BPTF: variants seen among roughly 807,000 people sequenced by gnomAD.
BPTF encodes the protein nucleosome-remodeling factor subunit BPTF.
In BPTF, 18 loss-of-function variants were observed where a neutral mutation model predicts 292.5. That is an observed-to-expected ratio of 0.06 (90% confidence interval 0.04 to 0.09). The LOEUF (loss-of-function observed/expected upper bound fraction) is 0.09, where lower values mean the gene tolerates loss of function less well. Among genes scored for constraint, BPTF ranks in the 10% least tolerant of loss-of-function variants. The pLI, the probability that BPTF is intolerant of heterozygous loss-of-function variation, is 1.00. For missense variants in BPTF, 2,726 were observed against 3,498.7 expected, an observed-to-expected ratio of 0.78 and a Z score of 5.57; for synonymous variants, 1,225 against 1,251.9, an observed-to-expected ratio of 0.98 and a Z score of 0.45.
chr17:67,864,943 G>A (rs8077872), intron 2 of BPTF, among the ~76,000 whole-genome samples: 2 of 151,804 alleles, frequency 1.3e-5, no homozygotes, highest in East Asian at 1.9e-4. Context: ...TAGCTGAGAC[G>A]ACAGGCGCCT....
intron 23 of BPTF, among the ~76,000 whole-genome samples, chr17:67,957,804 C>T (rs186487939): frequency 4.6e-5 from 7 of 152,130 alleles, no homozygotes; most frequent in African/African-American, 1.2e-4. Context: ...TACAGCAAGC[C>T]GTGTTTATGT....
intron 1 of BPTF, among the ~76,000 whole-genome samples, chr17:67,851,930 T>TAA (rs2058434446): frequency 6.6e-6 from 1 of 152,020 alleles, no homozygotes; most frequent in African/African-American, 2.4e-5. Context: ...TTTTTTTTTT[T>TAA]TAATGCAGGA....
At chr17:67,937,381 CA>C (rs58944920) in intron 18 of BPTF, among the ~76,000 whole-genome samples, 21,271 of 123,478 alleles carry the variant, frequency 0.17, 4,937 homozygotes, top group African/African-American at 0.53. Context: ...CGGACTTTGT[CA>C]AAAAAAAAAA....
chr17:67,971,020 C>T (rs1405745764), intron 26 of BPTF, among the ~76,000 whole-genome samples: 1 of 152,210 alleles, frequency 6.6e-6, no homozygotes, highest in African/African-American at 2.4e-5. Context: ...CTGACTGCAT[C>T]CTCGTCCTCC....
chr17:67,977,225 G>A (rs1275022053), intron 27 of BPTF, among the ~76,000 whole-genome samples: 1 of 152,054 alleles, frequency 6.6e-6, no homozygotes, highest in African/African-American at 2.4e-5. Context: ...TAAAAAGTGT[G>A]TGCTATTGGC....
At chr17:67,908,445 A>G (rs1172966102) in intron 9 of BPTF, among the ~76,000 whole-genome samples, 1 of 149,252 alleles carries the variant, frequency 6.7e-6, no homozygotes, top group Non-Finnish European at 1.5e-5. Flanking sequence ...ATGAGCCACC[A>G]CACTCACCCA....
In BPTF at chr17:67,964,594, G is replaced by C. The variant is rs1212750660; in HGVS notation, c.8454+190G>C. ...GAGCTTTACCATATCCCCACACCAC[G>C]TCAGCTTATCTCACACTCACAAGAG... On this transcript the variant is annotated intron_variant, in intron 25 of 27. Coordinates refer to ENST00000306378, the MANE Select transcript of BPTF (RefSeq NM_182641.4). Among the ~76,000 whole-genome samples, 4 of 152,078 alleles carry C rather than the reference G, an allele frequency of 2.6e-5. No homozygotes were observed. The South Asian group carries it at 6.2e-4, about 24-fold the overall frequency.
chr17:67,835,791 A>T (rs984207949), intron 1 of BPTF, among the ~76,000 whole-genome samples: 2 of 150,996 alleles, frequency 1.3e-5, no homozygotes, highest in Non-Finnish European at 2.9e-5. Context: ...TCAGCCTCCC[A>T]AGTAGCTGGG....
chr17:67,828,272 C>T (rs567457412), intron 1 of BPTF, among the ~76,000 whole-genome samples: 1 of 152,210 alleles, frequency 6.6e-6, no homozygotes, highest in South Asian at 2.1e-4. Context: ...TAAGAAATCA[C>T]ATGTTGGTCT....
intron 7 of BPTF, among the ~76,000 whole-genome samples, chr17:67,894,658 T>C (rs948221768): frequency 1.4e-4 from 21 of 152,144 alleles, no homozygotes; most frequent in Admixed American, 3.3e-4. Flanking sequence ...CCATACAGGA[T>C]TGTGATGAAG....
At chr17:67,973,374 GAAA>G (rs1555692059) in intron 26 of BPTF, among the ~76,000 whole-genome samples, 1 of 147,390 alleles carries the variant, frequency 6.8e-6, no homozygotes, top group African/African-American at 2.5e-5. Flanking sequence ...ACTGTCTCAA[GAAA>G]AAAAAATAAA....
At position 67,909,732 on chromosome 17, in the gene BPTF, T is replaced by A. The variant is rs2062519649; in HGVS notation, c.2963T>A (p.Ile988Asn). ...GGAGCAGACCAAAATGAAATGGATA[T>A]CTCAAAGATTACTGAGAAGAAGGAC... is the stretch of plus-strand genomic sequence containing the variant. ...AKGADQNEMDISKITEKKDQD... is the reference protein window; with the variant it reads ...AKGADQNEMDNSKITEKKDQD... The change falls in exon 10 of 28, where the codon ATC (isoleucine) becomes AAC (asparagine). Residue 988 changes from isoleucine to asparagine, a missense_variant. By Grantham distance (149) the Ile-to-Asn change is moderately radical. This residue lies in a region of BPTF where 713 missense variants were observed against 714.9 expected (regional missense o/e 1.00). Transcript: ENST00000306378. 1 of 1,578,572 alleles carries A rather than the reference T, an allele frequency of 6.3e-7. No homozygotes were observed. The highest frequency in any genetic ancestry group is 1.9e-5 in the Admixed American group (1 of 52,424).
chr17:67,976,871 A>G (rs535191829), intron 27 of BPTF, among the ~76,000 whole-genome samples: 31 of 152,066 alleles, frequency 2.0e-4, no homozygotes, highest in African/African-American at 7.0e-4. Flanking sequence ...CCTGCACTCT[A>G]TGAGGGGTGG....
At chr17:67,953,961 C>CTTTTTTTTTTTTTTTTTTTTTTTT (rs869063412) in intron 23 of BPTF, among the ~76,000 whole-genome samples, 3 of 65,640 alleles carry the variant, frequency 4.6e-5, no homozygotes, top group African/African-American at 1.4e-4. Context: ...CTTTTCTTTT[C>CTTTTTTTTTTTTTTTTTTTTTTTT]TTTTTTTTTT....
rs1323549047 is a variant in BPTF, at chr17:67,911,442, A to C, written c.3558A>C (p.Glu1186Asp). Residue 1186 changes from glutamate to aspartate, a missense_variant, in exon 11 of 28, where the codon GAA (glutamate) becomes GAC (aspartate). Coordinates refer to ENST00000306378, the MANE Select transcript of BPTF (RefSeq NM_182641.4). ...AATGTCCGAAACAAAATTCCATTGA[A>C]AATGACATAGAAGAAAAAGTCTCTG... is the stretch of plus-strand genomic sequence containing the variant. Reference protein sequence around the residue: ...ETKCPKQNSIENDIEEKVSDL... With the variant: ...ETKCPKQNSIDNDIEEKVSDL... 12 of 1,614,156 alleles carry C rather than the reference A, an allele frequency of 7.4e-6. No homozygotes were observed. Among genetic ancestry groups the C allele is most frequent in the Non-Finnish European group, 9.3e-6 (11 of 1,180,010 alleles).
intron 11 of BPTF, among the ~76,000 whole-genome samples, chr17:67,918,026 C>T (rs1255399425): frequency 6.6e-6 from 1 of 151,934 alleles, no homozygotes; most frequent in African/African-American, 2.4e-5. Flanking sequence ...GTCTCAATCT[C>T]CTGACCTTGT....
intron 11 of BPTF, among the ~76,000 whole-genome samples, chr17:67,917,131 C>CTTTTTTTTTTTTTTTGTTTTTTTTTTTTT (rs2063074164): frequency 9.5e-6 from 1 of 105,808 alleles, no homozygotes. Context: ...TGGTATTGTC[C>CTTTTTTTTTTTTTTTGTTTTTTTTTTTTT]TTTTTTTTTT....
At chr17:67,906,262 A>T (rs1204292138) in intron 9 of BPTF, among the ~76,000 whole-genome samples, 2 of 151,944 alleles carry the variant, frequency 1.3e-5, no homozygotes, top group Non-Finnish European at 2.9e-5. Flanking sequence ...TGTATTTTTT[A>T]TAGAGACAGG....
intron 23 of BPTF, chr17:67,951,192 C>CCTCT (rs143960583): frequency 6.6e-6 from 1 of 150,606 alleles, no homozygotes; most frequent in East Asian, 1.9e-4. Flanking sequence ...TAACCTTCAG[C>CCTCT]CTCTCTCTCT....
Sources: gnomAD v4.1 joint callset for allele counts (sites outside exome capture counted in the v4.1 genomes callset) on GRCh38, gnomAD v4.1.1 for gene constraint, gnomAD v4.1.1 regional missense constraint, MANE v1.5 for transcripts, NCBI Gene and HGNC (gene_info 2026-07-23, HGNC 2026-07-21) for gene names.